Variants in KLHL14 observed in about 807,000 individuals in gnomAD.
KLHL14 encodes the protein kelch-like protein 14.
Under a neutral mutation model 64.3 loss-of-function variants are expected in KLHL14, and 22 were observed. The ratio of observed to expected loss-of-function variants is 0.34; its 90% CI spans 0.24 to 0.49. KLHL14 has a LOEUF of 0.49. Among genes scored for constraint, KLHL14 ranks in the 20% least tolerant of loss-of-function variants. KLHL14 has a pLI of 0.99. For synonymous variants in KLHL14, 322 were observed against 333.4 expected (o/e 0.97, Z 0.37); for missense variants, 661 against 789.0 (o/e 0.84, Z 1.94).
chr18:32,672,757 C>G lies in KLHL14; in HGVS notation c.*1900G>C, dbSNP rs1382285765. The G allele has an allele frequency of 2.0e-5, 3 of 152,584 alleles. No homozygotes were observed. The East Asian group carries it at 5.8e-4, about 29-fold the overall frequency. 9.5% of individuals were successfully genotyped at this position (152,584 alleles called of 1,614,324 possible). A position where few individuals can be genotyped will look rare whatever the true frequency, so the allele number is the denominator to read the frequency against. The stretch of plus-strand genomic sequence containing the variant: ...TCTAATACTGTACAAAATTTACATT[C>G]TCTGTGACTTATTTATTCACTTTTC... On this transcript the variant is annotated 3_prime_UTR_variant, in exon 9 of 9. Coordinates refer to ENST00000359358, the MANE Select transcript of KLHL14 (RefSeq NM_020805.3).
At chr18:32,735,918 A>T (rs1908683283) in intron 3 of KLHL14, among the ~76,000 whole-genome samples, 1 of 152,150 alleles carries the variant, frequency 6.6e-6, no homozygotes, top group African/African-American at 2.4e-5. Flanking sequence ...GAGATCATTT[A>T]TTCTTTCAGT....
chr18:32,689,943 T>C (rs1163658414), intron 4 of KLHL14, among the ~76,000 whole-genome samples: 1 of 152,188 alleles, frequency 6.6e-6, no homozygotes, highest in Non-Finnish European at 1.5e-5. Context: ...GAAAGGCACA[T>C]TGACCACAGA....
At chr18:32,720,409 T>C (rs1227264626) in intron 3 of KLHL14, among the ~76,000 whole-genome samples, 5 of 152,046 alleles carry the variant, frequency 3.3e-5, no homozygotes, top group Admixed American at 2.0e-4. Flanking sequence ...GATTTCAGGT[T>C]GGAGAGATGA....
chr18:32,716,948 C>T (rs975195897), intron 3 of KLHL14, among the ~76,000 whole-genome samples: 1 of 152,112 alleles, frequency 6.6e-6, no homozygotes, highest in Non-Finnish European at 1.5e-5. Flanking sequence ...TCCTCATCTG[C>T]TAGACAGATG....
At chr18:32,702,121 T>A (rs1285982796) in intron 3 of KLHL14, among the ~76,000 whole-genome samples, 1 of 152,172 alleles carries the variant, frequency 6.6e-6, no homozygotes, top group East Asian at 1.9e-4. Flanking sequence ...TTACTTATAA[T>A]TACATAATTT....
At chr18:32,762,084 A>T (rs545327644) in intron 2 of KLHL14, among the ~76,000 whole-genome samples, 1 of 152,254 alleles carries the variant, frequency 6.6e-6, no homozygotes, top group South Asian at 2.1e-4. Flanking sequence ...TACCTAGCAC[A>T]ACAATGGATT....
At chr18:32,704,045 C>A (rs1043098593) in intron 3 of KLHL14, among the ~76,000 whole-genome samples, 1 of 152,094 alleles carries the variant, frequency 6.6e-6, no homozygotes, top group Non-Finnish European at 1.5e-5. Flanking sequence ...CATTCTCATA[C>A]TTTTTATTGT....
chr18:32,738,495 G>A (rs2144527055), intron 3 of KLHL14: 1 of 152,194 alleles, frequency 6.6e-6, no homozygotes, highest in South Asian at 2.1e-4. Flanking sequence ...GAACAACAAT[G>A]CCAAACTTAT....
chr18:32,709,451 A>C, intron 3 of KLHL14, among the ~76,000 whole-genome samples: 1 of 147,558 alleles, frequency 6.8e-6, no homozygotes, highest in Non-Finnish European at 1.5e-5. Context: ...TACCTTTAGA[A>C]TTTTTTTTTT....
Position 32,766,561 on chromosome 18 carries a change from C to T in KLHL14, c.947+3084G>A, listed in dbSNP as rs568177917. Among the ~76,000 whole-genome samples the T allele has an allele frequency of 1.6e-3, 242 of 152,142 alleles. 1 individual carries two copies. The highest frequency in any genetic ancestry group is 5.5e-3 in the African/African-American group (227 of 41,544). ...AATACTTTTTTACTAACTGTGGTCA[C>T]GTTGCTGGTGCAATAGATCACTAAA... On this transcript the variant is annotated intron_variant, in intron 2 of 8. Transcript: ENST00000359358.
At chr18:32,748,222 A>T (rs1568081762) in intron 2 of KLHL14, among the ~76,000 whole-genome samples, 1 of 151,712 alleles carries the variant, frequency 6.6e-6, no homozygotes, top group Non-Finnish European at 1.5e-5. Flanking sequence ...TATTTATTTT[A>T]TTTTTTTGAG....
chr18:32,693,968 TTTTTG>T (rs538621363), intron 4 of KLHL14, among the ~76,000 whole-genome samples: 2 of 148,748 alleles, frequency 1.3e-5, no homozygotes, highest in African/African-American at 4.9e-5. Flanking sequence ...TACAGGTGTT[TTTTTG>T]TTTTGTTTTG....
chr18:32,764,395 C>G (rs921345378), intron 2 of KLHL14, among the ~76,000 whole-genome samples: 11 of 151,994 alleles, frequency 7.2e-5, no homozygotes, highest in Admixed American at 2.0e-4. Context: ...TAACTTAGCA[C>G]GGTAGAATTA....
At chr18:32,675,536 C>T (rs1245792732) in intron 8 of KLHL14, among the ~76,000 whole-genome samples, 1 of 152,086 alleles carries the variant, frequency 6.6e-6, no homozygotes, top group Non-Finnish European at 1.5e-5. Flanking sequence ...GATTGAAAAC[C>T]AGTTCAAAGT....
At chr18:32,721,118 C>T (rs534187293) in intron 3 of KLHL14, among the ~76,000 whole-genome samples, 3 of 152,284 alleles carry the variant, frequency 2.0e-5, no homozygotes, top group East Asian at 1.9e-4. Context: ...GGGCCAGGAG[C>T]GTGGCAGTGC....
intron 3 of KLHL14, among the ~76,000 whole-genome samples, chr18:32,696,872 G>T (rs2049939521): frequency 6.6e-6 from 1 of 152,148 alleles, no homozygotes; most frequent in African/African-American, 2.4e-5. Flanking sequence ...CTCTGAAAGA[G>T]CAAATCAGAT....
chr18:32,694,877 G>A (rs1212102002), intron 4 of KLHL14, among the ~76,000 whole-genome samples: 2 of 152,106 alleles, frequency 1.3e-5, no homozygotes, highest in African/African-American at 2.4e-5. Context: ...GATTTGGGAC[G>A]TGCGTTAAAA....
intron 2 of KLHL14, among the ~76,000 whole-genome samples, chr18:32,750,959 CT>C (rs1343684430): frequency 1.3e-5 from 2 of 152,322 alleles, no homozygotes; most frequent in East Asian, 1.9e-4. Context: ...TTATTATAAC[CT>C]CTCTTTCCTT....
chr18:32,752,955 TTGTGTGTGTGTGTGTGTG>T (rs71177874), intron 2 of KLHL14, among the ~76,000 whole-genome samples: 4 of 142,382 alleles, frequency 2.8e-5, no homozygotes, highest in African/African-American at 7.8e-5. Flanking sequence ...AGCATCATAT[TTGTGTGTGTGTGTGTGTG>T]TGTGTGTGTG....
Sources: allele counts gnomAD v4.1 joint callset (sites outside exome capture counted in the v4.1 genomes callset), GRCh38; gene constraint gnomAD v4.1.1; transcripts MANE v1.5; gene names NCBI Gene and HGNC (gene_info 2026-07-23, HGNC 2026-07-21).